SMARCAD1: variants seen among roughly 807,000 people sequenced by gnomAD.
The protein encoded by SMARCAD1 is SNF2 related chromatin remodeling ATPase with DExD box 1.
Under a neutral mutation model 127.1 loss-of-function variants are expected in SMARCAD1, and 25 were observed. The ratio of observed to expected loss-of-function variants is 0.20; its 90% confidence interval spans 0.14 to 0.27. SMARCAD1 has a LOEUF of 0.27. SMARCAD1 is among the 10% of genes least tolerant of loss of function. The pLI, the probability that SMARCAD1 is intolerant of heterozygous loss-of-function variation, is 1.00. For missense variants in SMARCAD1, 807 were observed against 1,206.0 expected (o/e 0.67, Z 4.90); for synonymous variants, 400 against 396.9 (o/e 1.01, Z -0.09).
intron 10 of SMARCAD1, among the ~76,000 whole-genome samples, chr4:94,268,157 A>G (rs1055955993): frequency 6.6e-5 from 10 of 152,190 alleles, no homozygotes; most frequent in African/African-American, 2.4e-4. Context: ...AAATATTTCA[A>G]TGTAATAAAA....
At chr4:94,213,030 T>A in intron 2 of SMARCAD1, 1 of 1,247,056 alleles carries the variant, frequency 8.0e-7, no homozygotes. Context: ...CTTTTGGGAG[T>A]ACAGTGAGTT....
chr4:94,235,961 T>A (rs964197506), intron 4 of SMARCAD1, among the ~76,000 whole-genome samples: 1 of 152,174 alleles, frequency 6.6e-6, no homozygotes, highest in African/African-American at 2.4e-5. Flanking sequence ...CAGAGCACTC[T>A]CTTGAAGTAA....
intron 6 of SMARCAD1, 98 bp from the exon 7 acceptor site, chr4:94,249,556 A>C (rs1205082366): frequency 1.4e-6 from 1 of 737,112 alleles, no homozygotes; most frequent in Non-Finnish European, 2.5e-6. Flanking sequence ...ACTGATGATG[A>C]TAATTTTCAG....
intron 2 of SMARCAD1, among the ~76,000 whole-genome samples, chr4:94,212,216 C>T (rs1742379470): frequency 6.6e-6 from 1 of 152,066 alleles, no homozygotes; most frequent in African/African-American, 2.4e-5. Context: ...ACTGTGTGGC[C>T]CAGGCTAGAG....
At chr4:94,217,997 G>A (rs1339238545) in intron 2 of SMARCAD1, among the ~76,000 whole-genome samples, 1 of 152,102 alleles carries the variant, frequency 6.6e-6, no homozygotes, top group African/African-American at 2.4e-5. Flanking sequence ...AGTCAAAAAT[G>A]TTTGAAAAAC....
chr4:94,271,082 G>T (rs988911216), intron 11 of SMARCAD1, among the ~76,000 whole-genome samples: 1 of 152,046 alleles, frequency 6.6e-6, no homozygotes, highest in South Asian at 2.1e-4. Flanking sequence ...TTAAAAAATC[G>T]AAATCAAAGT....
At chr4:94,224,104 A>G (rs1744629181) in intron 2 of SMARCAD1, among the ~76,000 whole-genome samples, 1 of 152,166 alleles carries the variant, frequency 6.6e-6, no homozygotes, top group African/African-American at 2.4e-5. Flanking sequence ...TTTGTGTATG[A>G]TGATAATATG....
intron 3 of SMARCAD1, among the ~76,000 whole-genome samples, chr4:94,228,003 C>T (rs1286419679): frequency 1.3e-5 from 2 of 152,094 alleles, no homozygotes; most frequent in African/African-American, 2.4e-5. Flanking sequence ...TGAGGAGGAG[C>T]AGCTATTGAG....
chr4:94,246,742 A>G (rs1748487623), intron 6 of SMARCAD1, among the ~76,000 whole-genome samples: 1 of 152,098 alleles, frequency 6.6e-6, no homozygotes, highest in African/African-American at 2.4e-5. Flanking sequence ...ATCAAGTGAT[A>G]CTCTCTAGAC....
At chr4:94,219,030 T>C (rs1367543246) in intron 2 of SMARCAD1, among the ~76,000 whole-genome samples, 1 of 152,168 alleles carries the variant, frequency 6.6e-6, no homozygotes, top group African/African-American at 2.4e-5. Context: ...CAGGCTAGTC[T>C]CGAACTCCTG....
intron 23 of SMARCAD1, among the ~76,000 whole-genome samples, chr4:94,287,385 A>T (rs1755095982): frequency 6.6e-6 from 1 of 152,184 alleles, no homozygotes; most frequent in African/African-American, 2.4e-5. Flanking sequence ...GTATATTTGT[A>T]ATTGACTATG....
At chr4:94,228,500 A>T (rs1745358117) in intron 3 of SMARCAD1, among the ~76,000 whole-genome samples, 1 of 152,190 alleles carries the variant, frequency 6.6e-6, no homozygotes, top group South Asian at 2.1e-4. Context: ...TATACTTTTC[A>T]TATTTCAATT....
At chr4:94,234,706 AAC>A (rs1746368009) in intron 4 of SMARCAD1, among the ~76,000 whole-genome samples, 1 of 152,190 alleles carries the variant, frequency 6.6e-6, no homozygotes, top group South Asian at 2.1e-4. Context: ...AAGATTAATA[AAC>A]AGTCTGTTCC....
intron 2 of SMARCAD1, among the ~76,000 whole-genome samples, chr4:94,215,536 G>C (rs1743031261): frequency 6.8e-6 from 1 of 146,352 alleles, no homozygotes; most frequent in Non-Finnish European, 1.5e-5. Context: ...CAGAAGAATT[G>C]ATTGAGCCCA....
rs111735714 is a variant in SMARCAD1, at chr4:94,274,668, T to C, written c.1673-70T>C. ...TTTCTGAGTAGCACTTGTCAAAGTT[T>C]AGTGTTAATTTAACCATGTGAACAT... On this transcript the variant is annotated intron_variant, in intron 12 of 23. Coordinates refer to ENST00000354268, the MANE Select transcript of SMARCAD1 (RefSeq NM_020159.5). 4.0e-5 allele frequency: 55 copies of C among 1,382,976 alleles called. No individual in the cohort carries two copies. The African/African-American group carries it at 6.0e-4, about 15-fold the overall frequency. The allele number at this position is 1,382,976 out of a possible 1,614,324, so 85.7% of individuals were successfully genotyped here.
At chr4:94,265,293 T>C (rs997795921) in intron 10 of SMARCAD1, among the ~76,000 whole-genome samples, 1 of 152,052 alleles carries the variant, frequency 6.6e-6, no homozygotes, top group East Asian at 1.9e-4. Flanking sequence ...AAACCTCCTT[T>C]CCTAGCCCAT....
intron 2 of SMARCAD1, among the ~76,000 whole-genome samples, chr4:94,222,128 A>G (rs1560515558): frequency 6.6e-6 from 1 of 152,208 alleles, no homozygotes; most frequent in African/African-American, 2.4e-5. Context: ...AGGAGCCTTC[A>G]TGACTTGCTG....
intron 9 of SMARCAD1, chr4:94,253,271 C>T (rs746810148): frequency 6.9e-7 from 1 of 1,449,410 alleles, no homozygotes; most frequent in South Asian, 1.2e-5. Flanking sequence ...TGCATAGAAA[C>T]TTCGTTCATT....
Position 94,274,807 on chromosome 4 carries a change from T to C in SMARCAD1, c.1732+10T>C. 2.5e-6 allele frequency: 4 copies of C among 1,613,506 alleles called. No individual in the cohort carries two copies. The highest frequency in any genetic ancestry group is 3.4e-6 in the Non-Finnish European group (4 of 1,179,450). On this transcript the variant is annotated intron_variant, in intron 13 of 23. Transcript: ENST00000354268. ...GTCCTCTGTTACTATGGTAAGAATA[T>C]GTCATTCTGCTTTTAACTTTGGAAA...
Sources: allele counts gnomAD v4.1 joint callset (sites outside exome capture counted in the v4.1 genomes callset), GRCh38; gene constraint gnomAD v4.1.1; transcripts MANE v1.5; gene names NCBI Gene and HGNC (gene_info 2026-07-23, HGNC 2026-07-21).